Variants in BTBD9 observed in about 807,000 individuals in gnomAD.
BTBD9 encodes the protein BTB domain containing 9, also known as BTB/POZ domain-containing protein 9.
A neutral mutation model predicts 64.3 loss-of-function variants in BTBD9; 49 were observed. The ratio of observed to expected loss-of-function variants is 0.76; its 90% CI spans 0.61 to 0.97. The LOEUF (loss-of-function observed/expected upper bound fraction) is 0.97. BTBD9 is among the 50% of genes least tolerant of loss of function. BTBD9 has a pLI of 0.00. For missense variants in BTBD9, 598 were observed against 762.1 expected (o/e 0.78, Z 2.53); for synonymous variants, 260 against 274.7 (o/e 0.95, Z 0.53).
At chr6:38,588,365 C>T in intron 4 of BTBD9, 1 of 858,626 alleles carries the variant, frequency 1.2e-6, no homozygotes, top group Non-Finnish European at 2.0e-6. Flanking sequence ...GTGGCCCCTG[C>T]CTCTCAACCT....
At chr6:38,330,241 T>C (rs189090819) in intron 7 of BTBD9, among the ~76,000 whole-genome samples, 32 of 152,096 alleles carry the variant, frequency 2.1e-4, no homozygotes, top group African/African-American at 6.5e-4. Flanking sequence ...TTAGTAGAGA[T>C]GGAGTTTTGC....
chr6:38,200,035 T>A (rs1268485316), intron 9 of BTBD9, among the ~76,000 whole-genome samples: 1 of 152,106 alleles, frequency 6.6e-6, no homozygotes, highest in Non-Finnish European at 1.5e-5. Context: ...AGACCTGAGG[T>A]CAGGAGAAGC....
intron 8 of BTBD9, among the ~76,000 whole-genome samples, chr6:38,264,552 G>A (rs1384477149): frequency 6.6e-6 from 1 of 152,194 alleles, no homozygotes; most frequent in Non-Finnish European, 1.5e-5. Flanking sequence ...GCTACTGAGG[G>A]GCAGGAGGGA....
chr6:38,466,006 T>A (rs1770370906), intron 6 of BTBD9, among the ~76,000 whole-genome samples: 1 of 150,040 alleles, frequency 6.7e-6, no homozygotes, highest in African/African-American at 2.4e-5. Context: ...AAGATGGGGG[T>A]CTCACTATGT....
intron 6 of BTBD9, among the ~76,000 whole-genome samples, chr6:38,550,827 T>C (rs1293352317): frequency 1.3e-5 from 2 of 152,166 alleles, no homozygotes; most frequent in Non-Finnish European, 1.5e-5. Context: ...AATCACAGGA[T>C]TCCTTGGCTC....
At chr6:38,445,938 A>T (rs1769257610) in intron 6 of BTBD9, among the ~76,000 whole-genome samples, 2 of 152,232 alleles carry the variant, frequency 1.3e-5, no homozygotes, top group South Asian at 4.1e-4. Context: ...AAAAGAAATT[A>T]GAAAACTCAT....
intron 10 of BTBD9, chr6:38,179,428 G>A: frequency 2.2e-6 from 1 of 456,696 alleles, no homozygotes; most frequent in Non-Finnish European, 4.4e-6. Context: ...ACGGGGGCGG[G>A]CATACTGCGG....
chr6:38,432,690 A>C (rs980873833), intron 6 of BTBD9, among the ~76,000 whole-genome samples: 3 of 152,004 alleles, frequency 2.0e-5, no homozygotes, highest in Admixed American at 1.3e-4. Flanking sequence ...CTAATGACTT[A>C]TGATTCAACA....
chr6:38,492,485 G>A (rs7739189), intron 6 of BTBD9, among the ~76,000 whole-genome samples: 7 of 152,142 alleles, frequency 4.6e-5, no homozygotes, highest in Non-Finnish European at 5.9e-5. Context: ...TGTTATTTAT[G>A]AATTTAAAAT....
At chr6:38,559,878 C>T (rs75041826) in intron 6 of BTBD9, among the ~76,000 whole-genome samples, 12,830 of 152,078 alleles carry the variant, frequency 0.084, 631 homozygotes, top group Non-Finnish European at 0.096. Flanking sequence ...TGGTCATATG[C>T]AGAAAAATGA....
At chr6:38,178,647 A>AG (rs1451134104) in intron 10 of BTBD9, among the ~76,000 whole-genome samples, 2 of 144,636 alleles carry the variant, frequency 1.4e-5, no homozygotes, top group South Asian at 2.2e-4. Context: ...AGGATGGAGG[A>AG]GGGGGGGACT....
intron 6 of BTBD9, among the ~76,000 whole-genome samples, chr6:38,414,054 C>T (rs1008323045): frequency 9.2e-5 from 14 of 152,124 alleles, no homozygotes; most frequent in African/African-American, 3.1e-4. Flanking sequence ...GCTCATTTAA[C>T]ATAGTCCAGA....
intron 6 of BTBD9, among the ~76,000 whole-genome samples, chr6:38,352,098 C>G (rs1764539508): frequency 6.6e-6 from 1 of 152,088 alleles, no homozygotes. Flanking sequence ...TACTAGGGGT[C>G]AGGCACTGTA....
intron 6 of BTBD9, among the ~76,000 whole-genome samples, chr6:38,523,971 C>T (rs1157363662): frequency 6.6e-6 from 1 of 152,168 alleles, no homozygotes; most frequent in Non-Finnish European, 1.5e-5. Flanking sequence ...TTTCTGACTA[C>T]ACTATTCATT....
intron 7 of BTBD9, among the ~76,000 whole-genome samples, chr6:38,311,700 A>G (rs1325342894): frequency 6.6e-6 from 1 of 152,212 alleles, no homozygotes; most frequent in Non-Finnish European, 1.5e-5. Context: ...TCCCGCCAAC[A>G]GTGTACAAGG....
chr6:38,280,926 G>A (rs1320895397), intron 8 of BTBD9, among the ~76,000 whole-genome samples: 3 of 152,202 alleles, frequency 2.0e-5, no homozygotes, highest in African/African-American at 7.2e-5. Context: ...TCACAGCACA[G>A]AGAAGCATAC....
At chr6:38,609,470 C>A (rs1186559801) in intron 1 of BTBD9, among the ~76,000 whole-genome samples, 1 of 152,156 alleles carries the variant, frequency 6.6e-6, no homozygotes, top group Non-Finnish European at 1.5e-5. Flanking sequence ...ACCAGACTTC[C>A]ACAAACCCCC....
intron 6 of BTBD9, among the ~76,000 whole-genome samples, chr6:38,459,431 T>C (rs925565270): frequency 2.0e-5 from 3 of 152,180 alleles, no homozygotes; most frequent in African/African-American, 4.8e-5. Flanking sequence ...GGCCAATGGG[T>C]TGTGAGTTGA....
chr6:38,235,196 G>A (rs1763736929), intron 9 of BTBD9, among the ~76,000 whole-genome samples: 1 of 152,226 alleles, frequency 6.6e-6, no homozygotes, highest in Non-Finnish European at 1.5e-5. Context: ...GCCTGCCACA[G>A]TACTGAACTC....
Sources: gnomAD v4.1 joint callset for allele counts (sites outside exome capture counted in the v4.1 genomes callset) on GRCh38, gnomAD v4.1.1 for gene constraint, MANE v1.5 for transcripts, NCBI Gene and HGNC (gene_info 2026-07-23, HGNC 2026-07-21) for gene names.